USP40: variants seen among roughly 807,000 people sequenced by gnomAD.
The protein encoded by USP40 is ubiquitin carboxyl-terminal hydrolase 40.
In USP40, 143 loss-of-function variants were observed where a neutral mutation model predicts 166.2. The ratio of observed to expected loss-of-function variants is 0.86; its 90% confidence interval spans 0.75 to 0.99. The LOEUF (loss-of-function observed/expected upper bound fraction) is 0.99, where lower values mean the gene tolerates loss of function less well. USP40 is among the 50% of genes least tolerant of loss of function. The pLI, the probability that USP40 is intolerant of heterozygous loss-of-function variation, is 0.00. For synonymous variants in USP40, 498 were observed against 524.0 expected, an observed-to-expected ratio of 0.95 and a Z score of 0.68; for missense variants, 1,444 against 1,479.7, an observed-to-expected ratio of 0.98 and a Z score of 0.40.
At chr2:233,528,363 G>C (rs1465584784) in intron 12 of USP40, among the ~76,000 whole-genome samples, 1 of 152,060 alleles carries the variant, frequency 6.6e-6, no homozygotes, top group Non-Finnish European at 1.5e-5. Flanking sequence ...CCTGGTGTTG[G>C]CTGCTCTTCT....
chr2:233,529,317 T>C (rs1191599958), intron 12 of USP40, 114 bp downstream of exon 12: 2 of 842,646 alleles, frequency 2.4e-6, no homozygotes, highest in East Asian at 5.7e-5. Flanking sequence ...ACACTTGCAT[T>C]AACAAGTTGA....
intron 8 of USP40, among the ~76,000 whole-genome samples, chr2:233,548,785 G>A (rs1286029907): frequency 2.0e-5 from 3 of 152,022 alleles, no homozygotes; most frequent in South Asian, 4.1e-4. Context: ...AATTTCAAAC[G>A]GTTCGCACTA....
chr2:233,507,288 G>A (rs1190906824), intron 21 of USP40, among the ~76,000 whole-genome samples: 1 of 152,136 alleles, frequency 6.6e-6, no homozygotes, highest in Non-Finnish European at 1.5e-5. Flanking sequence ...AATAAACATA[G>A]AACTATCATG....
intron 30 of USP40, among the ~76,000 whole-genome samples, chr2:233,482,581 A>AT (rs2064687715): frequency 7.2e-6 from 1 of 139,854 alleles, no homozygotes; most frequent in Admixed American, 7.0e-5. Flanking sequence ...TTCCCACTGG[A>AT]GTTTTTTTTT....
chr2:233,553,282 G>A (rs2070750403), intron 6 of USP40, among the ~76,000 whole-genome samples: 1 of 152,240 alleles, frequency 6.6e-6, no homozygotes, highest in South Asian at 2.1e-4. Flanking sequence ...ATTCCATAGT[G>A]AGAAATCACA....
chr2:233,524,499 C>T lies in USP40; in HGVS notation c.1874G>A (p.Gly625Glu). 1 of 1,606,288 alleles carries T rather than the reference C, an allele frequency of 6.2e-7. No individual in the cohort carries two copies. The highest frequency in any genetic ancestry group is 1.3e-5 in the African/African-American group (1 of 74,756). Residue 625 changes from glycine to glutamate, a missense_variant, in exon 15 of 32, where the codon GGG becomes GAG. Coordinates refer to ENST00000678225, the MANE Select transcript of USP40 (RefSeq NM_001365479.2). ...TTCAGTAATTTTTTTTACCTCCACC[C>T]CATTCCACACAAAGATGTCTTCCCC... ...ADGEDIFVWNGVEVGGVHIQT... is the reference protein window; with the variant it reads ...ADGEDIFVWNEVEVGGVHIQT...
chr2:233,523,748 G>C (rs1166412839), intron 15 of USP40, among the ~76,000 whole-genome samples: 1 of 152,146 alleles, frequency 6.6e-6, no homozygotes, highest in Non-Finnish European at 1.5e-5. Context: ...GATGAAGCCA[G>C]ATTGGCCAAG....
In USP40 at chr2:233,476,125, G is replaced by C; in HGVS notation, c.*1267C>G. 1 of 152,452 alleles carries C rather than the reference G, an allele frequency of 6.6e-6. No homozygotes were observed. The allele number at this position is 152,452 out of a possible 1,614,324, so 9.4% of individuals were successfully genotyped here. ...GTAGGGGTTTGGACTGTTGGGAGGAGTATGAGGGACAAAGCAGGCCGCTGG... is the reference window on the plus strand; with the variant it reads ...GTAGGGGTTTGGACTGTTGGGAGGACTATGAGGGACAAAGCAGGCCGCTGG... On this transcript the variant is annotated 3_prime_UTR_variant, in exon 32 of 32. Transcript: ENST00000678225.
chr2:233,513,225 TAG>T (rs1332717519), intron 18 of USP40, among the ~76,000 whole-genome samples: 1 of 152,194 alleles, frequency 6.6e-6, no homozygotes, highest in African/African-American at 2.4e-5. Context: ...TTCCAATATC[TAG>T]AGTCTCTTGA....
Position 233,524,481 on chromosome 2 carries a change from A to G in USP40, c.1881+11T>C. ...AATTATCACGAATATTTCTTCAGTA[A>G]TTTTTTTTACCTCCACCCCATTCCA... On this transcript the variant is annotated intron_variant, in intron 15 of 31. Coordinates refer to ENST00000678225, the MANE Select transcript of USP40 (RefSeq NM_001365479.2). 6.3e-7 allele frequency: 1 copy of G among 1,591,574 alleles called. No individual in the cohort carries two copies. The highest frequency in any genetic ancestry group is 8.6e-7 in the Non-Finnish European group (1 of 1,167,732).
At chr2:233,494,329 A>G (rs1038489032) in intron 24 of USP40, among the ~76,000 whole-genome samples, 10 of 152,136 alleles carry the variant, frequency 6.6e-5, no homozygotes, top group Non-Finnish European at 1.3e-4. Flanking sequence ...TGGTGAAAAT[A>G]TGGGTAAACT....
intron 21 of USP40, among the ~76,000 whole-genome samples, chr2:233,505,262 C>G (rs1451503698): frequency 6.6e-6 from 1 of 152,036 alleles, no homozygotes; most frequent in East Asian, 1.9e-4. Flanking sequence ...TACTAAACAA[C>G]CTAACCATGA....
intron 26 of USP40, chr2:233,489,823 C>T (rs550268634): frequency 5.4e-4 from 111 of 204,780 alleles, no homozygotes; most frequent in Middle Eastern, 2.1e-3. Flanking sequence ...GGGCAGAGCC[C>T]GCTCTAACAG....
At position 233,532,550 on chromosome 2, in the gene USP40, G is replaced by A. The variant is rs147418697; in HGVS notation, c.1471+929C>T. 3.3e-5 allele frequency among the ~76,000 whole-genome samples: 5 copies of A among 152,344 alleles called. No homozygotes were observed. The East Asian group carries it at 9.6e-4, about 29-fold the overall frequency. On this transcript the variant is annotated intron_variant, in intron 11 of 31. Coordinates refer to ENST00000678225, the MANE Select transcript of USP40 (RefSeq NM_001365479.2). ...GCTCAGGCTGCTTCCACACTGTGGAGTGTACTTTTGTTTTCCATACATCTC... is the reference window on the plus strand; with the variant it reads ...GCTCAGGCTGCTTCCACACTGTGGAATGTACTTTTGTTTTCCATACATCTC...
rs578007605 is a variant in USP40 at position 233,479,911 on chromosome 2, T to C, written c.3599+1292A>G. ...GGAAGGGGCCCTGGCCCAGGGGCCG[T>C]GCTGCTTGCGGAGCTCACACAGTCC... is the stretch of plus-strand genomic sequence containing the variant. On this transcript the variant is annotated intron_variant, in intron 31 of 31. Transcript: ENST00000678225. 2.0e-5 allele frequency among the ~76,000 whole-genome samples: 3 copies of C among 152,216 alleles called. No individual in the cohort carries two copies. The South Asian group carries it at 6.2e-4, about 32-fold the overall frequency.
chr2:233,510,060 A>T lies in USP40; in HGVS notation c.2602T>A (p.Ser868Thr), dbSNP rs772529987. ...EMEIVVEETI[S>T]VRDCLKLMLK... ...GTAAAATTACTTACATCTCTCACAG[A>T]TATTGTTTCTTCTACTACGATTTCC... is the stretch of plus-strand genomic sequence containing the variant. The change falls in exon 21 of 32, where the codon TCT becomes ACT. Residue 868 changes from serine (S) to threonine (T), a missense_variant. Coordinates refer to ENST00000678225, the MANE Select transcript of USP40 (RefSeq NM_001365479.2). The T allele has an allele frequency of 1.4e-5, 22 of 1,590,924 alleles. No homozygotes were observed. Among genetic ancestry groups the T allele is most frequent in the Non-Finnish European group, 1.7e-5 (20 of 1,167,334 alleles).
In USP40 at chr2:233,481,259, G is replaced by T; in HGVS notation, c.3543C>A (p.Ile1181=). 6.2e-7 allele frequency: 1 copy of T among 1,607,632 alleles called. No individual in the cohort carries two copies. Among genetic ancestry groups the T allele is most frequent in the African/African-American group, 1.3e-5 (1 of 74,978 alleles). ...LIDDDDDFST[I]RDDTGKEKQK... ...GCTTTTCTTTTCCAGTGTCATCTCT[G>T]ATTGTACTGAAATCATCATCGTCGT... Residue 1181 remains isoleucine (I), a synonymous_variant, in exon 31 of 32, where the codon ATC becomes ATA. Coordinates refer to ENST00000678225, the MANE Select transcript of USP40 (RefSeq NM_001365479.2).
At chr2:233,556,228 T>A (rs1253811185) in intron 5 of USP40, among the ~76,000 whole-genome samples, 2 of 152,120 alleles carry the variant, frequency 1.3e-5, no homozygotes, top group African/African-American at 4.8e-5. Context: ...AATTCAGTGA[T>A]AATTGACTAT....
intron 21 of USP40, among the ~76,000 whole-genome samples, chr2:233,508,247 T>C (rs559330750): frequency 1.2e-4 from 19 of 152,364 alleles, no homozygotes; most frequent in Admixed American, 4.6e-4. Flanking sequence ...TGTTCACATT[T>C]CTCTACTTTC....
Sources: gnomAD v4.1 joint callset for allele counts (sites outside exome capture counted in the v4.1 genomes callset) on GRCh38, gnomAD v4.1.1 for gene constraint, MANE v1.5 for transcripts, NCBI Gene and HGNC (gene_info 2026-07-23, HGNC 2026-07-21) for gene names.